Variants in ZCWPW2 observed in about 807,000 individuals in gnomAD.
The protein encoded by ZCWPW2 is zinc finger CW-type PWWP domain protein 2.
Under a neutral mutation model 46.6 loss-of-function variants are expected in ZCWPW2, and 45 were observed. The observed-to-expected ratio is 0.96, with a 90% CI of 0.76 to 1.24. The LOEUF is 1.24. ZCWPW2 is among the 50% of genes most tolerant of loss of function. ZCWPW2 has a pLI of 0.00. For synonymous variants in ZCWPW2, 152 were observed against 137.1 expected, an observed-to-expected ratio of 1.11 and a Z score of -0.76; for missense variants, 429 against 403.9, an observed-to-expected ratio of 1.06 and a Z score of -0.53.
Position 28,525,713 on chromosome 3 carries a change from G to GT in ZCWPW2, c.*1027dup, listed in dbSNP as rs1222183406. ...AACCAACGTGTCACTCATTGAGTGG[G>GT]TTGCTTCTTTTAAGTATTTTTAGAT... is the stretch of plus-strand genomic sequence containing the variant. On this transcript the variant is annotated 3_prime_UTR_variant, in exon 10 of 10. Coordinates refer to ENST00000383768, the MANE Select transcript of ZCWPW2 (RefSeq NM_001040432.4). Among the ~76,000 whole-genome samples, 1 of 152,172 alleles carries GT rather than the reference G, an allele frequency of 6.6e-6. No homozygotes were observed. Among genetic ancestry groups the GT allele is most frequent in the Non-Finnish European group, 1.5e-5 (1 of 68,022 alleles).
At chr3:28,439,956 C>A (rs1697681419) in intron 4 of ZCWPW2, among the ~76,000 whole-genome samples, 6 of 152,142 alleles carry the variant, frequency 3.9e-5, no homozygotes. Flanking sequence ...TTCCCTTTGC[C>A]TTCAGCAAGC....
chr3:28,486,484 C>G (rs958136586), intron 5 of ZCWPW2, among the ~76,000 whole-genome samples: 3 of 151,934 alleles, frequency 2.0e-5, no homozygotes, highest in Non-Finnish European at 2.9e-5. Flanking sequence ...GGAAGAACTT[C>G]TTTTAGTGTT....
intron 1 of ZCWPW2, among the ~76,000 whole-genome samples, chr3:28,377,898 T>G (rs1235539566): frequency 6.6e-6 from 1 of 152,108 alleles, no homozygotes; most frequent in African/African-American, 2.4e-5. Context: ...AATTATTTAC[T>G]TTTCCCTTGA....
chr3:28,406,610 G>A (rs1183851122), intron 2 of ZCWPW2, among the ~76,000 whole-genome samples: 5 of 149,702 alleles, frequency 3.3e-5, no homozygotes, highest in Admixed American at 3.3e-4. Context: ...CTTATTTTTT[G>A]TGATACTCTT....
At chr3:28,375,984 T>TA (rs1705490301) in intron 1 of ZCWPW2, among the ~76,000 whole-genome samples, 1 of 152,142 alleles carries the variant, frequency 6.6e-6, no homozygotes, top group Non-Finnish European at 1.5e-5. Flanking sequence ...TTCTTTTTTT[T>TA]ATGGCTGAAT....
At chr3:28,357,288 G>A (rs1704773976) in intron 1 of ZCWPW2, among the ~76,000 whole-genome samples, 1 of 152,156 alleles carries the variant, frequency 6.6e-6, no homozygotes, top group African/African-American at 2.4e-5. Context: ...AATACGTTGT[G>A]TAGCAAAGGA....
intron 2 of ZCWPW2, among the ~76,000 whole-genome samples, chr3:28,406,018 T>A (rs1308701492): frequency 6.6e-6 from 1 of 152,252 alleles, no homozygotes; most frequent in Non-Finnish European, 1.5e-5. Flanking sequence ...ATTGTGTTCA[T>A]GTTCTAGTGT....
intron 3 of ZCWPW2, 86 bp from the exon 4 acceptor site, chr3:28,435,024 G>A (rs1234785612): frequency 1.7e-5 from 25 of 1,435,938 alleles, no homozygotes; most frequent in Non-Finnish European, 2.1e-5. Context: ...AAATTCAAAG[G>A]AGGAAGTTAA....
chr3:28,389,791 C>T (rs1695415961), intron 1 of ZCWPW2, among the ~76,000 whole-genome samples: 1 of 152,100 alleles, frequency 6.6e-6, no homozygotes, highest in Non-Finnish European at 1.5e-5. Flanking sequence ...TGGGGGAGGC[C>T]AGTGGGCTGG....
At chr3:28,494,588 C>A (rs1169789838) in intron 6 of ZCWPW2, among the ~76,000 whole-genome samples, 1 of 151,066 alleles carries the variant, frequency 6.6e-6, no homozygotes, top group Non-Finnish European at 1.5e-5. Flanking sequence ...GGCAATCAGG[C>A]AGGAGAAGGA....
chr3:28,388,072 C>T (rs1218550397), intron 1 of ZCWPW2, among the ~76,000 whole-genome samples: 1 of 151,996 alleles, frequency 6.6e-6, no homozygotes, highest in Non-Finnish European at 1.5e-5. Flanking sequence ...CAGTTTGAGC[C>T]GAAAGGTAAT....
chr3:28,350,553 C>T (rs1559468691), intron 1 of ZCWPW2, among the ~76,000 whole-genome samples: 1 of 152,064 alleles, frequency 6.6e-6, no homozygotes, highest in Non-Finnish European at 1.5e-5. Context: ...TTATTTTAGT[C>T]AAGTAAAACA....
intron 6 of ZCWPW2, among the ~76,000 whole-genome samples, chr3:28,507,252 AT>A (rs1700301263): frequency 6.6e-6 from 1 of 152,104 alleles, no homozygotes. Context: ...AAAAGAATTA[AT>A]TTTTTTCAGC....
At chr3:28,428,147 A>C (rs1438355302) in intron 3 of ZCWPW2, 4 of 152,354 alleles carry the variant, frequency 2.6e-5, no homozygotes, top group Non-Finnish European at 5.9e-5. Flanking sequence ...AGGACAGCCT[A>C]ATAACAGTCG....
At chr3:28,519,427 G>T (rs1700660907) in intron 8 of ZCWPW2, among the ~76,000 whole-genome samples, 1 of 152,188 alleles carries the variant, frequency 6.6e-6, no homozygotes, top group African/African-American at 2.4e-5. Context: ...TTATTTTCAA[G>T]ATGAACTTGT....
intron 1 of ZCWPW2, among the ~76,000 whole-genome samples, chr3:28,376,878 A>G (rs901272750): frequency 7.9e-5 from 12 of 152,096 alleles, no homozygotes; most frequent in African/African-American, 2.9e-4. Context: ...TTAGTCTGTA[A>G]TCTTAAACAG....
chr3:28,368,677 C>G (rs1705209160), intron 1 of ZCWPW2, among the ~76,000 whole-genome samples: 21 of 152,120 alleles, frequency 1.4e-4, no homozygotes, highest in Admixed American at 1.4e-3. Flanking sequence ...GTGGCATTCT[C>G]TATATTTCCT....
chr3:28,362,067 A>G (rs1485774875), intron 1 of ZCWPW2, among the ~76,000 whole-genome samples: 1 of 152,200 alleles, frequency 6.6e-6, no homozygotes, highest in Admixed American at 6.5e-5. Flanking sequence ...AGAGATATCT[A>G]TATTCTCGTG....
At chr3:28,404,310 A>T (rs544549094) in intron 2 of ZCWPW2, among the ~76,000 whole-genome samples, 2 of 152,324 alleles carry the variant, frequency 1.3e-5, no homozygotes, top group African/African-American at 4.8e-5. Context: ...GGAAAATGCA[A>T]ATCAAAACCA....
Sources: allele counts gnomAD v4.1 joint callset (sites outside exome capture counted in the v4.1 genomes callset), GRCh38; gene constraint gnomAD v4.1.1; transcripts MANE v1.5; gene names NCBI Gene and HGNC (gene_info 2026-07-23, HGNC 2026-07-21).